MIAT: variants seen among roughly 807,000 people sequenced by gnomAD.
The protein encoded by MIAT is myocardial infarction associated transcript.
At chr22:26,655,992 T>C (rs1204742085) in intron 2 of MIAT, 1 of 153,146 alleles carries the variant, frequency 6.5e-6, no homozygotes, top group African/African-American at 2.4e-5. Context: ...CCAGCCTGAA[T>C]TGTATTTTTC....
downstream of MIAT, chr22:26,671,417 C>G: frequency 2.5e-6 from 1 of 398,764 alleles, no homozygotes. Context: ...GTGTGATTAA[C>G]CTACTAACCC....
exon 5 of MIAT, chr22:26,675,027 C>CTGTGCCAGGCG (rs1931207920): frequency 1.3e-5 from 5 of 398,612 alleles, no homozygotes; most frequent in Non-Finnish European, 1.8e-5. Flanking sequence ...TGCACCTACT[C>CTGTGCCAGGCG]TGTGCCAGGC....
intron 3 of MIAT, among the ~76,000 whole-genome samples, chr22:26,663,801 T>TAC (rs1015696747): frequency 1.3e-5 from 2 of 152,180 alleles, no homozygotes; most frequent in African/African-American, 4.8e-5. Context: ...GACAAAGGTA[T>TAC]ACACCTGTGT....
chr22:26,673,166 A>C, downstream of MIAT: 1 of 398,664 alleles, frequency 2.5e-6, no homozygotes, highest in Non-Finnish European at 4.4e-6. Flanking sequence ...TCAGGGGCTC[A>C]CAGGGTTCCC....
chr22:26,670,602 T>TTAAAAAAAAAAAAAAAAAAA, downstream of MIAT: 2 of 308,104 alleles, frequency 6.5e-6, no homozygotes, highest in Non-Finnish European at 1.1e-5. Flanking sequence ...CATTGCTCCT[T>TTAAAAAAAAAAAAAAAAAAA]AAAAAAAAAA....
At chr22:26,663,892 T>TCAGCCCCAGTCC (rs1245492771) in intron 3 of MIAT, among the ~76,000 whole-genome samples, 13 of 150,746 alleles carry the variant, frequency 8.6e-5, no homozygotes, top group Non-Finnish European at 1.8e-4. Context: ...CAATCCCCTC[T>TCAGCCCCAGTCC]CAGCCCCAGT....
chr22:26,670,311 G>A (rs1455525253), downstream of MIAT: 8 of 398,556 alleles, frequency 2.0e-5, no homozygotes, highest in Admixed American at 3.5e-4. Context: ...TAGGTGAAGA[G>A]TGGCTGGGGT....
At chr22:26,657,098 C>G (rs1424418993) in intron 2 of MIAT, 1 of 170,314 alleles carries the variant, frequency 5.9e-6, no homozygotes, top group African/African-American at 2.4e-5. Context: ...CCAGAACAAG[C>G]GTCTTCTGTC....
chr22:26,670,683 C>A, downstream of MIAT: 1 of 394,446 alleles, frequency 2.5e-6, no homozygotes, highest in Non-Finnish European at 4.4e-6. Context: ...CTTATCAGAA[C>A]CTTTAAAATG....
chr22:26,670,093 C>T (rs1234361694), downstream of MIAT: 1 of 386,168 alleles, frequency 2.6e-6, no homozygotes, highest in Non-Finnish European at 4.5e-6. Flanking sequence ...CTTTAAAACT[C>T]AGCATCTTCT....
chr22:26,672,611 T>C, downstream of MIAT: 1 of 399,106 alleles, frequency 2.5e-6, no homozygotes, highest in Non-Finnish European at 4.4e-6. Context: ...GGAAGAATCC[T>C]CTCCATTGTT....
At chr22:26,671,978 C>T (rs1931062593), downstream of MIAT, 2 of 398,626 alleles carry the variant, frequency 5.0e-6, no homozygotes, top group Admixed American at 4.4e-5. Flanking sequence ...TGTCACTTCC[C>T]CACATTCTTC....
chr22:26,671,366 C>T (rs527905963), downstream of MIAT: 3 of 398,770 alleles, frequency 7.5e-6, no homozygotes, highest in Non-Finnish European at 1.3e-5. Context: ...GGCGGGAGGC[C>T]TCTGAAGCTG....
chr22:26,652,758 G>A (rs527432101), intron 2 of MIAT, among the ~76,000 whole-genome samples: 1 of 152,230 alleles, frequency 6.6e-6, no homozygotes, highest in South Asian at 2.1e-4. Flanking sequence ...GGCTGTTCTA[G>A]GACTAAAGAG....
intron 2 of MIAT, among the ~76,000 whole-genome samples, chr22:26,647,877 G>A (rs1930264230): frequency 6.6e-6 from 1 of 151,918 alleles, no homozygotes; most frequent in African/African-American, 2.4e-5. Flanking sequence ...GGGGCTTGGA[G>A]TGCATTGGGT....
rs149156366 is a variant in MIAT at position 26,669,201 on chromosome 22, C to T, written n.3306C>T. 50 of 398,784 alleles carry T rather than the reference C, an allele frequency of 1.3e-4. No individual in the cohort carries two copies. In the East Asian group the frequency reaches 1.6e-3, roughly 13 times the overall value. 24.7% of individuals were successfully genotyped at this position (398,784 alleles called of 1,614,324 possible). A position where few individuals can be genotyped will look rare whatever the true frequency, so the allele number is the denominator to read the frequency against. ...AGAGCAGCTTGTGGCCTCCCTTAGG[C>T]AAGTTTAAAAGCCAGATGTCCTTTT... On this transcript the variant is annotated non_coding_transcript_exon_variant, in exon 6 of 6. Coordinates refer to ENST00000643270, the Ensembl canonical transcript of MIAT.
intron 2 of MIAT, among the ~76,000 whole-genome samples, chr22:26,650,955 C>A (rs937843744): frequency 6.6e-6 from 1 of 152,124 alleles, no homozygotes. Context: ...GGAGATGACA[C>A]CGATACTTCC....
intron 3 of MIAT, among the ~76,000 whole-genome samples, chr22:26,664,003 A>T (rs1458401102): frequency 2.1e-5 from 2 of 96,484 alleles, no homozygotes; most frequent in African/African-American, 4.0e-5. Flanking sequence ...TTCTGTGTTC[A>T]GCTTTTTTTT....
chr22:26,674,872 G>T, exon 5 of MIAT: 1 of 398,698 alleles, frequency 2.5e-6, no homozygotes. Flanking sequence ...TGCTCTGGGC[G>T]CTGGGACCTG....
Sources: gnomAD v4.1 joint callset for allele counts (sites outside exome capture counted in the v4.1 genomes callset) on GRCh38, gnomAD v4.1.1 for gene constraint, MANE v1.5 for transcripts, NCBI Gene and HGNC (gene_info 2026-07-23, HGNC 2026-07-21) for gene names.